The following ADGRL1 variants were observed in gnomAD, a reference collection of about 807,000 sequenced individuals.
ADGRL1 encodes the protein adhesion G protein-coupled receptor L1.
ADGRL1 carries 31 observed loss-of-function variants against 148.9 expected under a neutral mutation model. That is an observed-to-expected ratio of 0.21 (90% CI 0.16 to 0.28). The LOEUF (loss-of-function observed/expected upper bound fraction) is 0.28. Among genes scored for constraint, ADGRL1 ranks in the 10% least tolerant of loss-of-function variants. The pLI, the probability that ADGRL1 is intolerant of heterozygous loss-of-function variation, is 1.00. For missense variants in ADGRL1, 1,521 were observed against 2,058.8 expected, an observed-to-expected ratio of 0.74 and a Z score of 5.05; for synonymous variants, 937 against 900.3, an observed-to-expected ratio of 1.04 and a Z score of -0.73.
Position 14,152,078 on chromosome 19 carries a change from A to C in ADGRL1, c.3667+55T>G. The C allele has an allele frequency of 6.4e-7, 1 of 1,550,484 alleles. No homozygotes were observed. The highest frequency in any genetic ancestry group is 8.9e-7 in the Non-Finnish European group (1 of 1,122,018). On this transcript the variant is annotated intron_variant, in intron 22 of 22. Transcript: ENST00000361434. The surrounding 1 kb of genome is among the most constrained non-coding windows in gnomAD (Gnocchi z 6.1). The stretch of plus-strand genomic sequence containing the variant: ...TTAAGTGAGGCCGTCTGAGAAGGCC[A>C]CTGTCTGTCCCTCTCCCAGCCTCAG...
chr19:14,201,609 T>C (rs1309035569), intron 1 of ADGRL1, among the ~76,000 whole-genome samples: 2 of 151,724 alleles, frequency 1.3e-5, no homozygotes, highest in Non-Finnish European at 2.9e-5. Flanking sequence ...TAGAAACGAG[T>C]CTTGCTATGT....
chr19:14,150,875 A>AC lies in ADGRL1; in HGVS notation c.4407_4408insG (p.Ter1470ValfsTer115). On this transcript the variant is annotated frameshift_variant, in exon 23 of 23. Coordinates refer to ENST00000361434, the MANE Select transcript of ADGRL1 (RefSeq NM_014921.5). LOFTEE classifies it high-confidence loss of function. Reference sequence around the variant, plus strand: ...AGCCCCTGGTCCATGAGGTGCCCTCAGAGACTGGTGACCAGCTGCATCTGC... The same window carrying AC: ...AGCCCCTGGTCCATGAGGTGCCCTCACGAGACTGGTGACCAGCTGCATCTGC... 6.2e-7 allele frequency: 1 copy of AC among 1,611,742 alleles called. No homozygotes were observed.
chr19:14,170,588 GCATGTGTGCA>G, intron 4 of ADGRL1, 84 bp downstream of exon 4: 1 of 723,556 alleles, frequency 1.4e-6, no homozygotes, highest in Non-Finnish European at 2.4e-6. Context: ...CAGGCCCCAT[GCATGTGTGCA>G]CATGTGTGAT....
rs560339624 is a variant in ADGRL1 at position 14,176,602 on chromosome 19, C to G, written c.284+929G>C. On this transcript the variant is annotated intron_variant, in intron 3 of 22. Transcript: ENST00000361434. ...CTGTCATCCCAGCGCTTTGAGAGGC[C>G]GAGGCAGGAGGATTGCTTGAGGCCA... is the stretch of plus-strand genomic sequence containing the variant. Among the ~76,000 whole-genome samples the G allele has an allele frequency of 1.8e-4, 27 of 151,902 alleles. No homozygotes were observed. In the South Asian group the frequency reaches 5.2e-3, roughly 29 times the overall value.
chr19:14,165,321 A>G (rs1969850782), intron 4 of ADGRL1, among the ~76,000 whole-genome samples: 1 of 152,176 alleles, frequency 6.6e-6, no homozygotes, highest in Non-Finnish European at 1.5e-5. Context: ...CACTCTGTCC[A>G]GCACACTGGC....
chr19:14,173,507 G>C (rs891441286), intron 3 of ADGRL1, among the ~76,000 whole-genome samples: 22 of 152,162 alleles, frequency 1.4e-4, no homozygotes, highest in African/African-American at 4.8e-4. Flanking sequence ...GGGGTTCTTG[G>C]AGCGTTTCCC....
rs1047326911 is a variant in ADGRL1, at chr19:14,150,731, G to A, written c.*142C>T. 72 of 995,300 alleles carry A rather than the reference G, an allele frequency of 7.2e-5. No homozygotes were observed. In the African/African-American group the frequency reaches 1.1e-3, roughly 15 times the overall value. The allele number at this position is 995,300 out of a possible 1,614,324, so 61.7% of individuals were successfully genotyped here. On this transcript the variant is annotated 3_prime_UTR_variant, in exon 23 of 23. Transcript: ENST00000361434. Reference sequence around the variant, plus strand: ...CCCCCAGGTTAGAGTCCCCTGAGGGGACTGTAGGGCCCATGGCTGAGGGGC... The same window carrying A: ...CCCCCAGGTTAGAGTCCCCTGAGGGAACTGTAGGGCCCATGGCTGAGGGGC...
intron 2 of ADGRL1, among the ~76,000 whole-genome samples, chr19:14,182,685 G>T (rs1166238325): frequency 6.6e-6 from 1 of 152,232 alleles, no homozygotes; most frequent in Non-Finnish European, 1.5e-5. Flanking sequence ...GGCTCAGATG[G>T]GTCTGGGGGT....
intron 2 of ADGRL1, among the ~76,000 whole-genome samples, chr19:14,182,052 C>G (rs1047201231): frequency 1.3e-5 from 2 of 152,112 alleles, no homozygotes; most frequent in African/African-American, 2.4e-5. Flanking sequence ...AGGAGCCAGA[C>G]AGATGGCTGG....
chr19:14,150,774 CA>C lies in ADGRL1; in HGVS notation c.*98del. 7.1e-7 allele frequency: 1 copy of C among 1,414,692 alleles called. No individual in the cohort carries two copies. The highest frequency in any genetic ancestry group is 1.3e-5 in the South Asian group (1 of 76,156). The allele number at this position is 1,414,692 out of a possible 1,614,324, so 87.6% of individuals were successfully genotyped here. A position where few individuals can be genotyped will look rare whatever the true frequency, so the allele number is the denominator to read the frequency against. On this transcript the variant is annotated 3_prime_UTR_variant, in exon 23 of 23. Coordinates refer to ENST00000361434, the MANE Select transcript of ADGRL1 (RefSeq NM_014921.5). ...TGAGGGGCACCTGGAGAGAGTGGCC[CA>C]CCAGCCACTGCCTCCATCTGTCTCC... is the stretch of plus-strand genomic sequence containing the variant.
intron 1 of ADGRL1, among the ~76,000 whole-genome samples, chr19:14,203,184 G>A (rs1972728738): frequency 6.6e-6 from 1 of 152,114 alleles, no homozygotes; most frequent in South Asian, 2.1e-4. Context: ...CGCCTCAGGA[G>A]CCCCTCCCCC....
chr19:14,168,872 A>T (rs1970228291), intron 4 of ADGRL1: 1 of 152,288 alleles, frequency 6.6e-6, no homozygotes, highest in African/African-American at 2.4e-5. Context: ...CAACTATGCT[A>T]CGCACCTCAC....
chr19:14,173,860 C>G (rs1173982185), intron 3 of ADGRL1, among the ~76,000 whole-genome samples: 1 of 144,704 alleles, frequency 6.9e-6, no homozygotes, highest in Non-Finnish European at 1.5e-5. Context: ...AGCAGGAGGA[C>G]TGTTTGAACC....
intron 4 of ADGRL1, among the ~76,000 whole-genome samples, chr19:14,166,333 C>T (rs1229624196): frequency 6.6e-6 from 1 of 151,504 alleles, no homozygotes; most frequent in Non-Finnish European, 1.5e-5. Flanking sequence ...CCCAGCTGGT[C>T]AGAGATGGGG....
rs1971380823 is a variant in ADGRL1 at position 14,183,661 on chromosome 19, A to G, written c.-59T>C. 6.9e-7 allele frequency: 1 copy of G among 1,449,078 alleles called. No individual in the cohort carries two copies. The highest frequency in any genetic ancestry group is 2.1e-5 in the Admixed American group (1 of 48,578). The allele number at this position is 1,449,078 out of a possible 1,614,324, so 89.8% of individuals were successfully genotyped here. ...TGGCCTGTGCGGGGGGCTTTGCCCC[A>G]CATCACCTGGCAGGCACCACGGCCT... On this transcript the variant is annotated 5_prime_UTR_variant, in exon 2 of 23. Transcript: ENST00000361434.
chr19:14,161,259 G>C lies in ADGRL1; in HGVS notation c.1510+53C>G, dbSNP rs1317723201. 8 of 1,479,828 alleles carry C rather than the reference G, an allele frequency of 5.4e-6. No homozygotes were observed. The East Asian group carries it at 1.9e-4, about 36-fold the overall frequency. 91.7% of individuals were successfully genotyped at this position (1,479,828 alleles called of 1,614,324 possible). A position where few individuals can be genotyped will look rare whatever the true frequency, so the allele number is the denominator to read the frequency against. On this transcript the variant is annotated intron_variant, in intron 6 of 22. Transcript: ENST00000361434. This position sits in a 1 kb window ranked among gnomAD's most constrained non-coding sequence, Gnocchi z 4.4. The stretch of plus-strand genomic sequence containing the variant: ...CCACCCACACATGCATCTGTGCTAA[G>C]CTGCTGGGGGCATGGCCCCCATCCC...
rs1355786750 is a variant in ADGRL1 at position 14,159,075 on chromosome 19, G to A, written c.2149+15C>T. The A allele has an allele frequency of 6.2e-6, 10 of 1,613,052 alleles. No individual in the cohort carries two copies. The highest frequency in any genetic ancestry group is 3.7e-4 in the Middle Eastern group (2 of 5,438). The stretch of plus-strand genomic sequence containing the variant: ...GGGCTGCTTCCCCACCCGAGGCCCC[G>A]CCGGGGACACTGACCATTGCGGCTG... On this transcript the variant is annotated intron_variant, in intron 11 of 22. Coordinates refer to ENST00000361434, the MANE Select transcript of ADGRL1 (RefSeq NM_014921.5). The surrounding 1 kb of genome is among the most constrained non-coding windows in gnomAD (Gnocchi z 6.0).
chr19:14,199,656 C>T (rs1362246791), intron 1 of ADGRL1, among the ~76,000 whole-genome samples: 1 of 151,964 alleles, frequency 6.6e-6, no homozygotes, highest in Non-Finnish European at 1.5e-5. Context: ...CAAACTCAAG[C>T]GATCCTCCCG....
In ADGRL1 at chr19:14,155,287, G is replaced by T; in HGVS notation, c.3294+72C>A. The T allele has an allele frequency of 6.4e-7, 1 of 1,554,266 alleles. No individual in the cohort carries two copies. Among genetic ancestry groups the T allele is most frequent in the Non-Finnish European group, 8.8e-7 (1 of 1,141,166 alleles). ...GAGCCCCTGAGTCCCCTCCACCCTCGCCGCCTTCTCCTGGGTACCCAGGAA... is the reference window on the plus strand; with the variant it reads ...GAGCCCCTGAGTCCCCTCCACCCTCTCCGCCTTCTCCTGGGTACCCAGGAA... On this transcript the variant is annotated intron_variant, in intron 18 of 22. Transcript: ENST00000361434. The surrounding 1 kb of genome is among the most constrained non-coding windows in gnomAD (Gnocchi z 5.0).
Sources: allele counts gnomAD v4.1 joint callset (sites outside exome capture counted in the v4.1 genomes callset), GRCh38; gene constraint gnomAD v4.1.1; non-coding constraint Gnocchi (gnomAD v3.1); transcripts MANE v1.5; gene names NCBI Gene and HGNC (gene_info 2026-07-23, HGNC 2026-07-21).